The following PACS2 variants were observed in gnomAD, a reference collection of about 807,000 sequenced individuals.
The protein encoded by PACS2 is PACS1-like protein.
PACS2 carries 36 observed loss-of-function variants against 113.0 expected under a neutral mutation model. The observed-to-expected ratio is 0.32, with a 90% CI of 0.24 to 0.42. The LOEUF is 0.42. Among genes scored for constraint, PACS2 ranks in the 10% least tolerant of loss-of-function variants. The pLI, the probability that PACS2 is intolerant of heterozygous loss-of-function variation, is 1.00. For synonymous variants in PACS2, 589 were observed against 536.1 expected, an observed-to-expected ratio of 1.10 and a Z score of -1.36; for missense variants, 1,015 against 1,239.5, an observed-to-expected ratio of 0.82 and a Z score of 2.72.
In PACS2 at chr14:105,315,841, C is replaced by T. The variant is rs587733301; in HGVS notation, c.119+804C>T. Among the ~76,000 whole-genome samples the T allele has an allele frequency of 2.0e-5, 3 of 152,318 alleles. No homozygotes were observed. The South Asian group carries it at 6.2e-4, about 32-fold the overall frequency. ...TCCCAGGCTAAGGAGGAGAGAGACA[C>T]GCTCTCCGGAAAAGTTCTGGTTCTA... On this transcript the variant is annotated intron_variant, in intron 1 of 24. Transcript: ENST00000447393. The surrounding 1 kb of genome is among the most constrained non-coding windows in gnomAD (Gnocchi z 4.4).
intron 9 of PACS2, among the ~76,000 whole-genome samples, chr14:105,378,028 C>T (rs1456626160): frequency 1.3e-5 from 2 of 152,250 alleles, no homozygotes; most frequent in African/African-American, 2.4e-5. Flanking sequence ...TGGCAACCGT[C>T]CTCGTACCCT....
chr14:105,350,033 C>G (rs2060107188), intron 2 of PACS2, among the ~76,000 whole-genome samples: 1 of 150,046 alleles, frequency 6.7e-6, no homozygotes, highest in South Asian at 2.1e-4. Flanking sequence ...GAGCGCGTGG[C>G]TAATAGCAGG....
intron 24 of PACS2, chr14:105,394,301 T>C (rs2081471865): frequency 1.0e-6 from 1 of 985,072 alleles, no homozygotes; most frequent in East Asian, 1.1e-4. Context: ...CAGGCAGCCC[T>C]GGGGGAAATG....
chr14:105,364,981 A>T (rs1309373800), intron 4 of PACS2, among the ~76,000 whole-genome samples: 1 of 152,216 alleles, frequency 6.6e-6, no homozygotes, highest in Non-Finnish European at 1.5e-5. Context: ...TACAGGCGTG[A>T]ACCATTATGC....
In PACS2 at chr14:105,357,065, C is replaced by T. The variant is rs995806187; in HGVS notation, c.423+1888C>T. ...CCTGCCGGTCCCTGTGAGCTCCTGC[C>T]CCAGGCTGCTCCGCCCACATCTCTC... On this transcript the variant is annotated intron_variant, in intron 4 of 24. Coordinates refer to ENST00000447393, the MANE Select transcript of PACS2 (RefSeq NM_001100913.3). The surrounding 1 kb of genome is among the most constrained non-coding windows in gnomAD (Gnocchi z 5.1). Among the ~76,000 whole-genome samples the T allele has an allele frequency of 8.5e-5, 13 of 152,188 alleles. No individual in the cohort carries two copies. Among genetic ancestry groups the T allele is most frequent in the Non-Finnish European group, 1.8e-4 (12 of 68,028 alleles).
At position 105,352,424 on chromosome 14, in the gene PACS2, G is replaced by C; in HGVS notation, c.254G>C (p.Ser85Thr). The C allele has an allele frequency of 6.2e-7, 1 of 1,612,940 alleles. No homozygotes were observed. Reference protein sequence around the residue: ...LRSHEIVLPPSGQVETDLALT... With the variant: ...LRSHEIVLPPTGQVETDLALT... ...TCCCATGAGATTGTGCTGCCCCCCA[G>C]TGGACAAGTGGAGACAGACCTGGCC... Residue 85 changes from serine to threonine, a missense_variant, in exon 3 of 25, where the codon AGT becomes ACT. By Grantham distance (58) the Ser-to-Thr change is moderately conservative. This residue lies in a region of PACS2 where 140 missense variants were observed against 135.1 expected (regional missense o/e 1.04). Coordinates refer to ENST00000447393, the MANE Select transcript of PACS2 (RefSeq NM_001100913.3).
intron 12 of PACS2, among the ~76,000 whole-genome samples, chr14:105,381,389 A>G (rs996174397): frequency 2.6e-5 from 4 of 152,262 alleles, no homozygotes; most frequent in African/African-American, 9.6e-5. Flanking sequence ...CCCCTGCCTC[A>G]GCCAAAAGAC....
At position 105,362,234 on chromosome 14, in the gene PACS2, C is replaced by A. The variant is rs778670262; in HGVS notation, c.424-4979C>A. Reference sequence around the variant, plus strand: ...GAGATCAAGACCATCCTGGCTAACACAGTGAAACACCGTCTCTACTGAAAA... The same window carrying A: ...GAGATCAAGACCATCCTGGCTAACAAAGTGAAACACCGTCTCTACTGAAAA... On this transcript the variant is annotated intron_variant, in intron 4 of 24. Coordinates refer to ENST00000447393, the MANE Select transcript of PACS2 (RefSeq NM_001100913.3). Among the ~76,000 whole-genome samples the A allele has an allele frequency of 1.6e-3, 240 of 150,712 alleles. 2 individuals carry two copies. Among genetic ancestry groups the A allele is most frequent in the Middle Eastern group, 6.9e-3 (2 of 290 alleles).
intron 21 of PACS2, 148 bp from the exon 22 acceptor site, chr14:105,391,483 C>G: frequency 1.4e-6 from 1 of 733,784 alleles, no homozygotes; most frequent in Admixed American, 2.7e-5. Context: ...AATCCGAGAC[C>G]CTCCCGTCTC....
intron 1 of PACS2, among the ~76,000 whole-genome samples, chr14:105,334,823 G>T (rs587610137): frequency 6.4e-4 from 97 of 152,388 alleles, no homozygotes; most frequent in Non-Finnish European, 9.8e-4. Flanking sequence ...CACTGCGGGG[G>T]GGAGCTGTGG....
At chr14:105,304,234 G>A (rs2140636573) in intron 1 of PACS2, among the ~76,000 whole-genome samples, 1 of 152,326 alleles carries the variant, frequency 6.6e-6, no homozygotes, top group East Asian at 1.9e-4. Flanking sequence ...GCTCAGGACT[G>A]TAATCCCAGC....
chr14:105,356,429 C>T lies in PACS2; in HGVS notation c.423+1252C>T, dbSNP rs587725283. ...TTCCTTCGGCAAACCACGGACAGCA[C>T]GGGTGGACCGGGCCTCCAGGCTGCA... On this transcript the variant is annotated intron_variant, in intron 4 of 24. Coordinates refer to ENST00000447393, the MANE Select transcript of PACS2 (RefSeq NM_001100913.3). This position sits in a 1 kb window ranked among gnomAD's most constrained non-coding sequence, Gnocchi z 4.0. 1.7e-3 allele frequency among the ~76,000 whole-genome samples: 261 copies of T among 152,288 alleles called. 2 individuals are homozygous for T. Among genetic ancestry groups the T allele is most frequent in the African/African-American group, 5.9e-3 (246 of 41,566 alleles).
chr14:105,349,913 A>C (rs12884651), intron 2 of PACS2, among the ~76,000 whole-genome samples: 1,732 of 38,046 alleles, frequency 0.046, 58 homozygotes, highest in African/African-American at 0.096. Context: ...CTTCCAGGAG[A>C]GCGTGGCTAA....
chr14:105,382,957 G>A (rs150623251), intron 15 of PACS2, 44 bp downstream of exon 15: 72 of 1,185,928 alleles, frequency 6.1e-5, no homozygotes, highest in South Asian at 3.9e-4. Flanking sequence ...AGTACCCCTC[G>A]GGGTCCCTGC....
chr14:105,361,697 C>T (rs991440949), intron 4 of PACS2, among the ~76,000 whole-genome samples: 1 of 152,010 alleles, frequency 6.6e-6, no homozygotes, highest in Non-Finnish European at 1.5e-5. Context: ...CGCCGGTAAT[C>T]CCAGCACTTT....
At chr14:105,307,251 C>T (rs1393342507) in intron 1 of PACS2, among the ~76,000 whole-genome samples, 1 of 152,080 alleles carries the variant, frequency 6.6e-6, no homozygotes, top group Non-Finnish European at 1.5e-5. Context: ...TGAGTCCCAC[C>T]TGCCTCCTTT....
rs1233842414 is a variant in PACS2, at chr14:105,357,350, C to T, written c.423+2173C>T. Among the ~76,000 whole-genome samples, 1 of 152,080 alleles carries T rather than the reference C, an allele frequency of 6.6e-6. No individual in the cohort carries two copies. Among genetic ancestry groups the T allele is most frequent in the Non-Finnish European group, 1.5e-5 (1 of 68,032 alleles). On this transcript the variant is annotated intron_variant, in intron 4 of 24. Coordinates refer to ENST00000447393, the MANE Select transcript of PACS2 (RefSeq NM_001100913.3). This position sits in a 1 kb window ranked among gnomAD's most constrained non-coding sequence, Gnocchi z 5.1. ...TCACTCTTGGCAGAAAAGCCCCACC[C>T]CTGGATGTAGTTCCAGTGCCCTGCC...
intron 6 of PACS2, 152 bp downstream of exon 6, chr14:105,368,299 C>A: frequency 2.4e-6 from 2 of 819,130 alleles, no homozygotes; most frequent in South Asian, 1.6e-5. Flanking sequence ...CGTCTCCCGA[C>A]CCCAGGGGCC....
At position 105,376,736 on chromosome 14, in the gene PACS2, A is replaced by C; in HGVS notation, c.802-32A>C. On this transcript the variant is annotated intron_variant, in intron 8 of 24. Transcript: ENST00000447393. This position sits in a 1 kb window ranked among gnomAD's most constrained non-coding sequence, Gnocchi z 4.7. Reference sequence around the variant, plus strand: ...CCAGTGGGGCAATGTGGGCTGCTGCAGGGAACTCACGCGTGCCTGGCACCC... The same window carrying C: ...CCAGTGGGGCAATGTGGGCTGCTGCCGGGAACTCACGCGTGCCTGGCACCC... 1 of 1,604,504 alleles carries C rather than the reference A, an allele frequency of 6.2e-7. No homozygotes were observed.
Sources: gnomAD v4.1 joint callset for allele counts (sites outside exome capture counted in the v4.1 genomes callset) on GRCh38, gnomAD v4.1.1 for gene constraint, gnomAD v4.1.1 regional missense constraint, Gnocchi (gnomAD v3.1) non-coding constraint, MANE v1.5 for transcripts, NCBI Gene and HGNC (gene_info 2026-07-23, HGNC 2026-07-21) for gene names.